Variants in HNRNPLL observed in about 807,000 individuals in gnomAD.
HNRNPLL encodes heterogeneous nuclear ribonucleoprotein L-like.
HNRNPLL carries 25 observed loss-of-function variants against 67.1 expected under a neutral mutation model. That is an observed-to-expected ratio of 0.37 (90% CI 0.27 to 0.52). The LOEUF (loss-of-function observed/expected upper bound fraction) is 0.52. Among genes scored for constraint, HNRNPLL ranks in the 20% least tolerant of loss-of-function variants. The pLI is 0.90. For missense variants in HNRNPLL, 542 were observed against 673.9 expected, an observed-to-expected ratio of 0.80 and a Z score of 2.17; for synonymous variants, 267 against 241.7, an observed-to-expected ratio of 1.10 and a Z score of -0.97.
intron 1 of HNRNPLL, among the ~76,000 whole-genome samples, chr2:38,596,516 C>T (rs1667199780): frequency 1.3e-5 from 2 of 152,150 alleles, no homozygotes; most frequent in Admixed American, 1.3e-4. Flanking sequence ...CCTCAGCCTC[C>T]CGAAGTGTTG....
intron 6 of HNRNPLL, among the ~76,000 whole-genome samples, chr2:38,580,423 A>G (rs1481281887): frequency 6.6e-6 from 1 of 152,258 alleles, no homozygotes; most frequent in Non-Finnish European, 1.5e-5. Context: ...AAAGGAGCCA[A>G]TCATCTAAAA....
intron 1 of HNRNPLL, among the ~76,000 whole-genome samples, chr2:38,595,697 A>C (rs1667157061): frequency 2.0e-5 from 3 of 152,138 alleles, no homozygotes; most frequent in Admixed American, 2.0e-4. Flanking sequence ...TACAAAAATT[A>C]GCCGGGCGTG....
Position 38,592,086 on chromosome 2 carries a change from A to C in HNRNPLL, c.190-438T>G, listed in dbSNP as rs1018562515. 1.3e-4 allele frequency among the ~76,000 whole-genome samples: 20 copies of C among 152,256 alleles called. 1 individual carries two copies. The highest frequency in any genetic ancestry group is 4.8e-4 in the African/African-American group (20 of 41,478). On this transcript the variant is annotated intron_variant, in intron 1 of 12. Transcript: ENST00000449105. Reference sequence around the variant, plus strand: ...ATCCCAAACCAAATCGCAATTCACAAGTTAGCAAAAGGATATGAGAATAAA... The same window carrying C: ...ATCCCAAACCAAATCGCAATTCACACGTTAGCAAAAGGATATGAGAATAAA...
intron 2 of HNRNPLL, among the ~76,000 whole-genome samples, chr2:38,586,674 ACCAAAGTT>A (rs1460886715): frequency 1.3e-5 from 2 of 152,218 alleles, no homozygotes; most frequent in Admixed American, 6.5e-5. Flanking sequence ...CAACAGACTG[ACCAAAGTT>A]CCAAAGTTCA....
chr2:38,593,130 T>C (rs925898894), intron 1 of HNRNPLL, among the ~76,000 whole-genome samples: 6 of 152,258 alleles, frequency 3.9e-5, no homozygotes, highest in South Asian at 2.1e-4. Flanking sequence ...TGGAATTTAT[T>C]TGAATTGCTT....
intron 6 of HNRNPLL, among the ~76,000 whole-genome samples, chr2:38,579,497 G>C (rs1458060538): frequency 6.6e-6 from 1 of 151,980 alleles, no homozygotes. Flanking sequence ...ACGTAAAACA[G>C]AAGTGAGCAG....
chr2:38,583,000 C>A (rs1666593434), intron 4 of HNRNPLL, among the ~76,000 whole-genome samples: 1 of 152,048 alleles, frequency 6.6e-6, no homozygotes, highest in African/African-American at 2.4e-5. Flanking sequence ...GGAGCATGGT[C>A]CCATTCCCTA....
intron 6 of HNRNPLL, 38 bp downstream of exon 6, chr2:38,581,875 G>T: frequency 1.5e-6 from 2 of 1,363,500 alleles, no homozygotes; most frequent in Non-Finnish European, 2.1e-6. Flanking sequence ...AAATTTGTCA[G>T]CAGATCAAGT....
At chr2:38,582,256 G>A in intron 4 of HNRNPLL, 88 bp from the exon 5 acceptor site, 3 of 848,324 alleles carry the variant, frequency 3.5e-6, no homozygotes, top group South Asian at 1.4e-5. Flanking sequence ...ATAATCAGAA[G>A]TAGCTCTTTT....
At chr2:38,589,825 T>A (rs761182701) in intron 2 of HNRNPLL, among the ~76,000 whole-genome samples, 10 of 152,204 alleles carry the variant, frequency 6.6e-5, no homozygotes, top group Non-Finnish European at 1.2e-4. Flanking sequence ...TTTTCTGACA[T>A]CTGCCTAAGA....
intron 3 of HNRNPLL, among the ~76,000 whole-genome samples, chr2:38,584,353 G>A (rs996072733): frequency 6.6e-6 from 1 of 152,126 alleles, no homozygotes; most frequent in African/African-American, 2.4e-5. Flanking sequence ...GAGCCACCAT[G>A]CTGGCCTAAA....
chr2:38,593,889 T>C (rs966334219), intron 1 of HNRNPLL, among the ~76,000 whole-genome samples: 6 of 129,136 alleles, frequency 4.6e-5, no homozygotes, highest in East Asian at 2.3e-4. Context: ...AAAACCTAAA[T>C]GCTGGCCGGG....
chr2:38,595,055 G>T (rs1027608333), intron 1 of HNRNPLL, among the ~76,000 whole-genome samples: 1 of 151,428 alleles, frequency 6.6e-6, no homozygotes, highest in African/African-American at 2.4e-5. Context: ...GGCGGGCTCA[G>T]GAGTTCGAGG....
chr2:38,591,088 A>C (rs1666943634), intron 2 of HNRNPLL, among the ~76,000 whole-genome samples: 1 of 152,232 alleles, frequency 6.6e-6, no homozygotes. Context: ...GCCTACCCTT[A>C]ATCTGCTTAC....
chr2:38,589,087 G>C (rs1167703839), intron 2 of HNRNPLL, among the ~76,000 whole-genome samples: 1 of 152,124 alleles, frequency 6.6e-6, no homozygotes. Flanking sequence ...TAATGGGAGA[G>C]AAGGGGAAAA....
intron 6 of HNRNPLL, chr2:38,577,905 T>A (rs1190607392): frequency 8.4e-6 from 4 of 474,262 alleles, no homozygotes; most frequent in African/African-American, 6.0e-5. Flanking sequence ...GTGCAGTACT[T>A]TTGAAAGACA....
At position 38,602,745 on chromosome 2, in the gene HNRNPLL, C is replaced by T. The variant is rs1374138381; in HGVS notation, c.-119G>A. 6.6e-7 allele frequency: 1 copy of T among 1,504,728 alleles called. No homozygotes were observed. Among genetic ancestry groups the T allele is most frequent in the East Asian group, 2.8e-5 (1 of 35,428 alleles). 93.2% of individuals were successfully genotyped at this position (1,504,728 alleles called of 1,614,324 possible). On this transcript the variant is annotated 5_prime_UTR_variant, in exon 1 of 13. Coordinates refer to ENST00000449105, the MANE Select transcript of HNRNPLL (RefSeq NM_138394.4). Reference sequence around the variant, plus strand: ...GCCTCTTCTGCGAGGGTCTCCGCGGCCCGGCCGTCCGCGGGGACTGCGCGG... The same window carrying T: ...GCCTCTTCTGCGAGGGTCTCCGCGGTCCGGCCGTCCGCGGGGACTGCGCGG...
At chr2:38,601,392 A>G (rs950691229) in intron 1 of HNRNPLL, among the ~76,000 whole-genome samples, 11 of 152,220 alleles carry the variant, frequency 7.2e-5, no homozygotes, top group African/African-American at 2.7e-4. Flanking sequence ...CTTTTAACCT[A>G]ATAGTAGGAT....
At chr2:38,602,224 G>C (rs1465798130) in intron 1 of HNRNPLL, 1 of 525,782 alleles carries the variant, frequency 1.9e-6, no homozygotes, top group East Asian at 3.6e-5. Flanking sequence ...GACTCGCTGC[G>C]GGGCCTGCGG....
Sources: gnomAD v4.1 joint callset for allele counts (sites outside exome capture counted in the v4.1 genomes callset) on GRCh38, gnomAD v4.1.1 for gene constraint, MANE v1.5 for transcripts, NCBI Gene and HGNC (gene_info 2026-07-23, HGNC 2026-07-21) for gene names.